The following COL7A1 variants were observed in gnomAD, a reference collection of about 807,000 sequenced individuals.
The protein encoded by COL7A1 is collagen type VII alpha 1 chain, also known as collagen alpha-1(VII) chain.
A neutral mutation model predicts 456.2 loss-of-function variants in COL7A1; 296 were observed. That is an observed-to-expected ratio of 0.65 (90% CI 0.59 to 0.71). The LOEUF (loss-of-function observed/expected upper bound fraction) is 0.71. Ranked by LOEUF, COL7A1 falls within the 30% of genes least tolerant of loss-of-function variation. COL7A1 has a pLI of 0.00. For synonymous variants in COL7A1, 1,464 were observed against 1,525.9 expected, an observed-to-expected ratio of 0.96 and a Z score of 0.95; for missense variants, 3,441 against 4,017.2, an observed-to-expected ratio of 0.86 and a Z score of 3.88.
At position 48,587,916 on chromosome 3, in the gene COL7A1, G is replaced by A. The variant is rs773201784; in HGVS notation, c.2734C>T (p.Leu912=). Residue 912 remains leucine (L), a synonymous_variant, in exon 22 of 119, where the codon CTG becomes TTG. Transcript: ENST00000681320. This position sits in a 1 kb window ranked among gnomAD's most constrained non-coding sequence, Gnocchi z 6.1. ...TGATAGCTGCTGAGCTCGGGCCCCA[G>A]GACCCGGGACTGTTCCTGGCCACCT... ...PEGGQEQSRV[L]GPELSSYHLD... The A allele has an allele frequency of 3.7e-6, 6 of 1,600,936 alleles. 1 individual carries two copies. The highest frequency in any genetic ancestry group is 3.4e-5 in the Admixed American group (2 of 58,054).
chr3:48,576,715 C>A lies in COL7A1; in HGVS notation c.5661G>T (p.Gly1887=). The A allele has an allele frequency of 1.2e-6, 2 of 1,610,162 alleles. No individual in the cohort carries two copies. The highest frequency in any genetic ancestry group is 1.7e-6 in the Non-Finnish European group (2 of 1,178,652). ...RGAPGILGPQ[G]PPGLPGPVGP... ...CCACTGGCCCTGGGAGGCCTGGAGG[C>A]CCCTGGGGTCCAAGGATACCAGGAG... The change falls in exon 68 of 119, where the codon GGG becomes GGT. Residue 1887 remains glycine, a synonymous_variant. Coordinates refer to ENST00000681320, the MANE Select transcript of COL7A1 (RefSeq NM_000094.4).
chr3:48,578,430 G>T lies in COL7A1; in HGVS notation c.5487+23C>A. The stretch of plus-strand genomic sequence containing the variant: ...TGAGGGTAGTAAGGGGGAAAAGGGG[G>T]TAACATGAAAGTCTGGTCTCACCGG... On this transcript the variant is annotated intron_variant, in intron 64 of 118. Coordinates refer to ENST00000681320, the MANE Select transcript of COL7A1 (RefSeq NM_000094.4). The surrounding 1 kb of genome is among the most constrained non-coding windows in gnomAD (Gnocchi z 4.7). 6.2e-7 allele frequency: 1 copy of T among 1,613,448 alleles called. No individual in the cohort carries two copies. The highest frequency in any genetic ancestry group is 8.5e-7 in the Non-Finnish European group (1 of 1,180,016).
At position 48,590,768 on chromosome 3, in the gene COL7A1, A is replaced by G; in HGVS notation, c.1685T>C (p.Leu562Ser). 1 of 1,613,978 alleles carries G rather than the reference A, an allele frequency of 6.2e-7. No homozygotes were observed. Among genetic ancestry groups the G allele is most frequent in the East Asian group, 2.2e-5 (1 of 44,886 alleles). ...GCTAAGCCCAGCCTGAACGTCATCC[A>G]AGTCGAATGCTGTCTGACTCCCAGG... ...VLPGSQTAFD[L>S]DDVQAGLSYT... The change falls in exon 14 of 119, where the codon TTG (leucine) becomes TCG (serine). Residue 562 changes from leucine to serine, a missense_variant. Leu to Ser is a moderately radical substitution (Grantham distance 145, BLOSUM62 -2). Around this residue, in one of 3 missense-constraint regions of COL7A1, gnomAD observed 913 missense variants for 1,088.2 expected, o/e 0.84. Coordinates refer to ENST00000681320, the MANE Select transcript of COL7A1 (RefSeq NM_000094.4). This position sits in a 1 kb window ranked among gnomAD's most constrained non-coding sequence, Gnocchi z 4.6.
chr3:48,584,182 T>C (rs2045028049), intron 37 of COL7A1, 116 bp downstream of exon 37: 5 of 1,569,188 alleles, frequency 3.2e-6, no homozygotes, highest in Non-Finnish European at 4.4e-6. Flanking sequence ...TGAGGCGTCA[T>C]GGTGAGGATG....
rs2043927314 is a variant in COL7A1 at position 48,571,636 on chromosome 3, AGGCTGAACGCTGGCAGCCAG to A, written c.7068+345_7069-359del. 1 of 653,172 alleles carries A rather than the reference AGGCTGAACGCTGGCAGCCAG, an allele frequency of 1.5e-6. No individual in the cohort carries two copies. The highest frequency in any genetic ancestry group is 2.9e-6 in the Non-Finnish European group (1 of 343,712). The allele number at this position is 653,172 out of a possible 1,614,324, so 40.5% of individuals were successfully genotyped here. Reference sequence around the variant, plus strand: ...TCCCGGGTAGAGCAGGCATGGCCACAGGCTGAACGCTGGCAGCCAGGGGCAGGGGAAAGGAGGATTGTAAA... The same window carrying A: ...TCCCGGGTAGAGCAGGCATGGCCACAGGGCAGGGGAAAGGAGGATTGTAAA... On this transcript the variant is annotated intron_variant, in intron 92 of 118. Coordinates refer to ENST00000681320, the MANE Select transcript of COL7A1 (RefSeq NM_000094.4). This position sits in a 1 kb window ranked among gnomAD's most constrained non-coding sequence, Gnocchi z 4.6.
At position 48,573,003 on chromosome 3, in the gene COL7A1, T is replaced by C. The variant is rs1262808907; in HGVS notation, c.6750+18A>G. 1.2e-6 allele frequency: 2 copies of C among 1,613,950 alleles called. No individual in the cohort carries two copies. Among genetic ancestry groups the C allele is most frequent in the Non-Finnish European group, 1.7e-6 (2 of 1,179,976 alleles). On this transcript the variant is annotated intron_variant, in intron 86 of 118. Coordinates refer to ENST00000681320, the MANE Select transcript of COL7A1 (RefSeq NM_000094.4). This position sits in a 1 kb window ranked among gnomAD's most constrained non-coding sequence, Gnocchi z 5.5. ...ACCCTTGACCCCTGGAGCCCAACCC[T>C]TGACCCCCAGAACTCACCACTTGTC...
chr3:48,594,649 C>A lies in COL7A1; in HGVS notation c.86-101G>T. 1 of 1,387,808 alleles carries A rather than the reference C, an allele frequency of 7.2e-7. No homozygotes were observed. Among genetic ancestry groups the A allele is most frequent in the African/African-American group, 1.4e-5 (1 of 69,870 alleles). 86.0% of individuals were successfully genotyped at this position (1,387,808 alleles called of 1,614,324 possible). On this transcript the variant is annotated intron_variant, in intron 2 of 118. Coordinates refer to ENST00000681320, the MANE Select transcript of COL7A1 (RefSeq NM_000094.4). The surrounding 1 kb of genome is among the most constrained non-coding windows in gnomAD (Gnocchi z 5.5). ...GACTTGGGATGGTGGGGAGAGTAGG[C>A]CTCATCTTATGCAAACCAGGGCCGA...
At position 48,574,404 on chromosome 3, in the gene COL7A1, A is replaced by G. The variant is rs2044146618; in HGVS notation, c.6456+84T>C. On this transcript the variant is annotated intron_variant, in intron 79 of 118. Coordinates refer to ENST00000681320, the MANE Select transcript of COL7A1 (RefSeq NM_000094.4). This position sits in a 1 kb window ranked among gnomAD's most constrained non-coding sequence, Gnocchi z 5.0. Reference sequence around the variant, plus strand: ...AGTCAGGACCCAGACAGTCCCAGGCAGTACAGACCCCAGCCCTGCACACAG... The same window carrying G: ...AGTCAGGACCCAGACAGTCCCAGGCGGTACAGACCCCAGCCCTGCACACAG... 6.2e-7 allele frequency: 1 copy of G among 1,612,368 alleles called. No homozygotes were observed. The highest frequency in any genetic ancestry group is 8.5e-7 in the Non-Finnish European group (1 of 1,178,518).
In COL7A1 at chr3:48,570,577, AT is replaced by A; in HGVS notation, c.7344+61del. 14 of 1,613,242 alleles carry A rather than the reference AT, an allele frequency of 8.7e-6. No individual in the cohort carries two copies. Among genetic ancestry groups the A allele is most frequent in the Non-Finnish European group, 1.2e-5 (14 of 1,179,582 alleles). ...AACACCCCACAGTGTGGCCCGCCCC[AT>A]CCTAAGTCCTCACGAGGACAGGAAA... is the stretch of plus-strand genomic sequence containing the variant. On this transcript the variant is annotated intron_variant, in intron 96 of 118. Coordinates refer to ENST00000681320, the MANE Select transcript of COL7A1 (RefSeq NM_000094.4). This position sits in a 1 kb window ranked among gnomAD's most constrained non-coding sequence, Gnocchi z 5.5.
chr3:48,587,414 C>A lies in COL7A1; in HGVS notation c.2992+6G>T, dbSNP rs1461593899. 3.1e-6 allele frequency: 5 copies of A among 1,613,220 alleles called. No individual in the cohort carries two copies. Among genetic ancestry groups the A allele is most frequent in the Non-Finnish European group, 4.2e-6 (5 of 1,180,018 alleles). ...CAGCCCACCCAAATCCTGGCCTCCC[C>A]CTCACCCTGGCCAGGGCCTCTGAGT... On this transcript the variant is annotated splice_donor_region_variant and intron_variant, in intron 23 of 118. Coordinates refer to ENST00000681320, the MANE Select transcript of COL7A1 (RefSeq NM_000094.4). This position sits in a 1 kb window ranked among gnomAD's most constrained non-coding sequence, Gnocchi z 6.1.
chr3:48,584,550 G>T lies in COL7A1; in HGVS notation c.4054C>A (p.Pro1352Thr). 6.2e-7 allele frequency: 1 copy of T among 1,614,052 alleles called. No individual in the cohort carries two copies. Among genetic ancestry groups the T allele is most frequent in the South Asian group, 1.1e-5 (1 of 91,082 alleles). ...PRGPKGEPGA[P>T]GQVIGGEGPG... is the part of the protein sequence containing the mutation. ...CCTTCACCTCCGATGACTTGTCCGG[G>T]AGCCCCCTGTAAGGACAGAGAGCAG... The change falls in exon 36 of 119, where the codon CCC (proline) becomes ACC (threonine). Residue 1352 changes from proline (P) to threonine (T), a missense_variant. By Grantham distance (38) the Pro-to-Thr change is conservative (BLOSUM62 -1). Transcript: ENST00000681320.
Position 48,591,578 on chromosome 3 carries a change from C to G in COL7A1, c.1522G>C (p.Val508Leu). The G allele has an allele frequency of 6.2e-7, 1 of 1,613,710 alleles. No individual in the cohort carries two copies. The highest frequency in any genetic ancestry group is 8.5e-7 in the Non-Finnish European group (1 of 1,179,994). ...GCTTGCAGGTCTGTTACAGGGCTCA[C>G]AGGCAGCTCTGGTCCTGTTGGAGAG... ...TVVPTGPELP[V>L]SPVTDLQATE... The change falls in exon 13 of 119, where the codon GTG (valine) becomes CTG (leucine). Residue 508 changes from valine (V) to leucine (L), a missense_variant. This residue lies in a region of COL7A1 where 913 missense variants were observed against 1,088.2 expected (regional missense o/e 0.84). Coordinates refer to ENST00000681320, the MANE Select transcript of COL7A1 (RefSeq NM_000094.4). The surrounding 1 kb of genome is among the most constrained non-coding windows in gnomAD (Gnocchi z 7.0).
Position 48,586,041 on chromosome 3 carries a change from T to C in COL7A1, c.3723+33A>G, listed in dbSNP as rs765071379. 1 of 1,613,476 alleles carries C rather than the reference T, an allele frequency of 6.2e-7. No homozygotes were observed. The highest frequency in any genetic ancestry group is 8.5e-7 in the Non-Finnish European group (1 of 1,179,998). ...AAGAACCCCCAGACCCCTTATATTCTACCACCCAGTCCCCCAGAGGCCTCT... is the reference window on the plus strand; with the variant it reads ...AAGAACCCCCAGACCCCTTATATTCCACCACCCAGTCCCCCAGAGGCCTCT... On this transcript the variant is annotated intron_variant, in intron 28 of 118. Transcript: ENST00000681320. The surrounding 1 kb of genome is among the most constrained non-coding windows in gnomAD (Gnocchi z 5.1).
At position 48,593,603 on chromosome 3, in the gene COL7A1, C is replaced by G; in HGVS notation, c.360G>C (p.Gly120=). 6.2e-7 allele frequency: 1 copy of G among 1,614,190 alleles called. No homozygotes were observed. Among genetic ancestry groups the G allele is most frequent in the Non-Finnish European group, 8.5e-7 (1 of 1,180,028 alleles). Residue 120 remains glycine, a synonymous_variant, in exon 4 of 119, where the codon GGG becomes GGC. Transcript: ENST00000681320. The surrounding 1 kb of genome is among the most constrained non-coding windows in gnomAD (Gnocchi z 4.4). Reference sequence around the variant, plus strand: ...GGTCAGCCACATGGAGAATTGCAGCCCCTGTGCGAGTGTTGCCCCCCTTGT... The same window carrying G: ...GGTCAGCCACATGGAGAATTGCAGCGCCTGTGCGAGTGTTGCCCCCCTTGT... The part of the protein sequence containing the change: ...LSYKGGNTRT[G]AAILHVADHV...
At position 48,583,951 on chromosome 3, in the gene COL7A1, A is replaced by C; in HGVS notation, c.4227T>G (p.Gly1409=). The change falls in exon 39 of 119, where the codon GGT becomes GGG. Residue 1409 remains glycine, a splice_region_variant and synonymous_variant. Transcript: ENST00000681320. The surrounding 1 kb of genome is among the most constrained non-coding windows in gnomAD (Gnocchi z 5.1). ...KGDKGDRGER[G]PPGPGEGGIA... ...TGCCACCTTCACCTGGTCCAGGGGG[A>C]CCCTGGGAGAGAACAGCAGGTCAGG... 6.2e-7 allele frequency: 1 copy of C among 1,613,442 alleles called. No homozygotes were observed. Among genetic ancestry groups the C allele is most frequent in the Non-Finnish European group, 8.5e-7 (1 of 1,179,818 alleles).
chr3:48,569,537 C>G lies in COL7A1; in HGVS notation c.7614+55G>C. 1 of 1,613,302 alleles carries G rather than the reference C, an allele frequency of 6.2e-7. No individual in the cohort carries two copies. The highest frequency in any genetic ancestry group is 8.5e-7 in the Non-Finnish European group (1 of 1,179,408). On this transcript the variant is annotated intron_variant, in intron 102 of 118. Transcript: ENST00000681320. This position sits in a 1 kb window ranked among gnomAD's most constrained non-coding sequence, Gnocchi z 4.9. Reference sequence around the variant, plus strand: ...GCTCTCAGATGCCCTGGGCCAGCCCCACGGGGTCCCTCTCGCACCCAGGGG... The same window carrying G: ...GCTCTCAGATGCCCTGGGCCAGCCCGACGGGGTCCCTCTCGCACCCAGGGG...
At position 48,586,950 on chromosome 3, in the gene COL7A1, T is replaced by A. The variant is rs1248567312; in HGVS notation, c.3276+22A>T. ...TGGGGGGCCTCAGGGAGAGGTAGAA[T>A]CTGGCTGCCCCAGGGCCAAACCTGA... On this transcript the variant is annotated intron_variant, in intron 25 of 118. Transcript: ENST00000681320. The surrounding 1 kb of genome is among the most constrained non-coding windows in gnomAD (Gnocchi z 5.1). The A allele has an allele frequency of 1.3e-6, 2 of 1,575,582 alleles. No individual in the cohort carries two copies. The highest frequency in any genetic ancestry group is 8.6e-7 in the Non-Finnish European group (1 of 1,160,626).
chr3:48,572,313 G>A lies in COL7A1; in HGVS notation c.6978+67C>T. 1 of 1,613,402 alleles carries A rather than the reference G, an allele frequency of 6.2e-7. No individual in the cohort carries two copies. Among genetic ancestry groups the A allele is most frequent in the East Asian group, 2.2e-5 (1 of 44,854 alleles). On this transcript the variant is annotated intron_variant, in intron 90 of 118. Transcript: ENST00000681320. This position sits in a 1 kb window ranked among gnomAD's most constrained non-coding sequence, Gnocchi z 4.6. ...AGGGTGGGTAAACTATGGGTCGAAGGTCAGAAGTTAGGCCACTGGAGAGAC... is the reference window on the plus strand; with the variant it reads ...AGGGTGGGTAAACTATGGGTCGAAGATCAGAAGTTAGGCCACTGGAGAGAC...
rs142566193 is a variant in COL7A1 at position 48,566,303 on chromosome 3, G to A, written c.8371C>T (p.Arg2791Trp). 2,511 of 1,604,438 alleles carry A rather than the reference G, an allele frequency of 1.6e-3. 3 individuals are homozygous for A. The highest frequency in any genetic ancestry group is 1.9e-3 in the Non-Finnish European group (2,247 of 1,176,130). Residue 2791 changes from arginine (R) to tryptophan (W), a missense_variant, in exon 114 of 119, where the codon CGG becomes TGG. Transcript: ENST00000681320. The surrounding 1 kb of genome is among the most constrained non-coding windows in gnomAD (Gnocchi z 5.9). Reference sequence around the variant, plus strand: ...CTCATCTCTTGGCGCACAAAGCCCCGGATGTCATCCTCCTGGGAGCAGAAG... The same window carrying A: ...CTCATCTCTTGGCGCACAAAGCCCCAGATGTCATCCTCCTGGGAGCAGAAG... ...GEAALTEDDI[R>W]GFVRQEMSQH...
Sources: gnomAD v4.1 joint callset for allele counts on GRCh38, gnomAD v4.1.1 for gene constraint, gnomAD v4.1.1 regional missense constraint, Gnocchi (gnomAD v3.1) non-coding constraint, MANE v1.5 for transcripts, NCBI Gene and HGNC (gene_info 2026-07-23, HGNC 2026-07-21) for gene names.